FAM118A: variants seen among roughly 807,000 people sequenced by gnomAD.
FAM118A encodes the protein protein FAM118A.
In FAM118A, 25 loss-of-function variants were observed where a neutral mutation model predicts 38.2. That is an observed-to-expected ratio of 0.65 (90% confidence interval 0.48 to 0.91). FAM118A has a LOEUF of 0.91. Among genes scored for constraint, FAM118A ranks in the 40% least tolerant of loss-of-function variants. FAM118A has a pLI of 0.00. For missense variants in FAM118A, 425 were observed against 463.3 expected, an observed-to-expected ratio of 0.92 and a Z score of 0.76; for synonymous variants, 178 against 184.1, an observed-to-expected ratio of 0.97 and a Z score of 0.27.
intron 3 of FAM118A, among the ~76,000 whole-genome samples, chr22:45,326,442 C>G (rs1387921460): frequency 3.3e-5 from 5 of 152,156 alleles, no homozygotes; most frequent in Admixed American, 3.3e-4. Context: ...AATCCCAGCA[C>G]TTTGGGAGGC....
At chr22:45,323,484 A>C (rs2085033164) in intron 3 of FAM118A, 57 bp downstream of exon 3, 1 of 1,585,250 alleles carries the variant, frequency 6.3e-7, no homozygotes, top group Non-Finnish European at 8.6e-7. Flanking sequence ...AGGTTGGATG[A>C]GTCTGTGAAC....
At chr22:45,334,502 A>G (rs573462641) in intron 6 of FAM118A, among the ~76,000 whole-genome samples, 1 of 152,336 alleles carries the variant, frequency 6.6e-6, no homozygotes, top group Non-Finnish European at 1.5e-5. Context: ...TTCCATTTCC[A>G]TAAATAAAAG....
At chr22:45,338,737 C>G (rs2086272789) in intron 8 of FAM118A, among the ~76,000 whole-genome samples, 1 of 152,124 alleles carries the variant, frequency 6.6e-6, no homozygotes. Context: ...AGCAGTCCAC[C>G]CAAAATTTCT....
At chr22:45,334,421 TTTG>T (rs752445130) in intron 6 of FAM118A, among the ~76,000 whole-genome samples, 15 of 152,284 alleles carry the variant, frequency 9.9e-5, no homozygotes, top group South Asian at 2.1e-4. Flanking sequence ...CGCTAAAGTT[TTTG>T]TTGTTTTTTT....
rs910026337 is a variant in FAM118A at position 45,335,465 on chromosome 22, CGTTT to C, written c.970+88_970+91del. ...CTGTCACTAACTGTAAAATCATAAA[CGTTT>C]GTTTTTCACCTTAAATAATTAGCTT... On this transcript the variant is annotated intron_variant, in intron 7 of 8. Coordinates refer to ENST00000441876, the MANE Select transcript of FAM118A (RefSeq NM_017911.4). 3.5e-5 allele frequency: 53 copies of C among 1,510,086 alleles called. No individual in the cohort carries two copies. In the African/African-American group the frequency reaches 5.1e-4, roughly 15 times the overall value. The allele number at this position is 1,510,086 out of a possible 1,614,324, so 93.5% of individuals were successfully genotyped here. A position where few individuals can be genotyped will look rare whatever the true frequency, so the allele number is the denominator to read the frequency against.
At chr22:45,312,829 C>T (rs1026720122) in intron 1 of FAM118A, among the ~76,000 whole-genome samples, 2 of 152,196 alleles carry the variant, frequency 1.3e-5, no homozygotes, top group Non-Finnish European at 2.9e-5. Flanking sequence ...GTGTACCATT[C>T]TCCAGAAACT....
chr22:45,322,956 G>C (rs952869389), intron 2 of FAM118A, among the ~76,000 whole-genome samples: 3 of 152,036 alleles, frequency 2.0e-5, no homozygotes, highest in African/African-American at 7.2e-5. Context: ...GCTGTCCCAC[G>C]TCCTTTAAGG....
At chr22:45,337,995 T>C (rs2086225452) in intron 8 of FAM118A, 1 of 649,600 alleles carries the variant, frequency 1.5e-6, no homozygotes, top group Non-Finnish European at 1.9e-6. Flanking sequence ...TTCCTGGGAG[T>C]TTTTAGGATC....
At chr22:45,321,505 C>G (rs997311794) in intron 1 of FAM118A, 1 of 152,110 alleles carries the variant, frequency 6.6e-6, no homozygotes, top group African/African-American at 2.4e-5. Flanking sequence ...CAGTCTCAAC[C>G]TCCCAGGCTC....
At chr22:45,338,147 C>T (rs2086233428) in intron 8 of FAM118A, among the ~76,000 whole-genome samples, 1 of 152,164 alleles carries the variant, frequency 6.6e-6, no homozygotes, top group Non-Finnish European at 1.5e-5. Flanking sequence ...TTCTTTCCAT[C>T]TTCTCTGTTC....
At position 45,323,656 on chromosome 22, in the gene FAM118A, G is replaced by A. The variant is rs1440542133; in HGVS notation, c.300+229G>A. ...CCTAAAGTAGCTCCTATTAAATGGA[G>A]CCTGACTGTGTGAGATCGTCTCAGG... On this transcript the variant is annotated intron_variant, in intron 3 of 8. Coordinates refer to ENST00000441876, the MANE Select transcript of FAM118A (RefSeq NM_017911.4). 2.6e-5 allele frequency among the ~76,000 whole-genome samples: 4 copies of A among 152,348 alleles called. No individual in the cohort carries two copies. The East Asian group carries it at 7.7e-4, about 29-fold the overall frequency.
intron 3 of FAM118A, among the ~76,000 whole-genome samples, chr22:45,327,220 A>ACAGAC (rs2085339198): frequency 6.6e-6 from 1 of 151,912 alleles, no homozygotes; most frequent in East Asian, 1.9e-4. Context: ...AGCCTGGATG[A>ACAGAC]CAGAGCAAGG....
intron 1 of FAM118A, 96 bp from the exon 2 acceptor site, chr22:45,322,275 T>A (rs1324706369): frequency 7.0e-6 from 11 of 1,577,728 alleles, no homozygotes; most frequent in Non-Finnish European, 9.5e-6. Flanking sequence ...ATTGAGGACC[T>A]TTGATTTTAA....
Position 45,310,000 on chromosome 22 carries a change from C to G in FAM118A, c.-193C>G, listed in dbSNP as rs1373946717. On this transcript the variant is annotated 5_prime_UTR_variant, in exon 1 of 9. Coordinates refer to ENST00000441876, the MANE Select transcript of FAM118A (RefSeq NM_017911.4). ...GGCGGCGTGGCGTCCGCTCTGGCTCCGACTCCGGCTCTCGCTCTCGCTTCT... is the reference window on the plus strand; with the variant it reads ...GGCGGCGTGGCGTCCGCTCTGGCTCGGACTCCGGCTCTCGCTCTCGCTTCT... 6.6e-6 allele frequency: 1 copy of G among 152,236 alleles called. No individual in the cohort carries two copies. Among genetic ancestry groups the G allele is most frequent in the East Asian group, 1.9e-4 (1 of 5,188 alleles). 9.4% of individuals were successfully genotyped at this position (152,236 alleles called of 1,614,324 possible). A position where few individuals can be genotyped will look rare whatever the true frequency, so the allele number is the denominator to read the frequency against.
chr22:45,315,359 G>T (rs2084559315), intron 1 of FAM118A, among the ~76,000 whole-genome samples: 1 of 152,166 alleles, frequency 6.6e-6, no homozygotes, highest in Admixed American at 6.5e-5. Context: ...TCTGTAAATT[G>T]AAGAAAATAA....
chr22:45,325,236 G>C (rs555293720), intron 3 of FAM118A, among the ~76,000 whole-genome samples: 1 of 152,300 alleles, frequency 6.6e-6, no homozygotes, highest in East Asian at 1.9e-4. Flanking sequence ...AAAACAAGTA[G>C]TTGAGCATCA....
At chr22:45,323,043 G>A in intron 2 of FAM118A, 132 bp from the exon 3 acceptor site, 1 of 443,940 alleles carries the variant, frequency 2.3e-6, no homozygotes, top group Non-Finnish European at 3.7e-6. Context: ...AGAGGGGACT[G>A]TGTGTGTGTG....
At chr22:45,322,087 G>A (rs1051472266) in intron 1 of FAM118A, 1 of 960,604 alleles carries the variant, frequency 1.0e-6, no homozygotes, top group African/African-American at 1.7e-5. Flanking sequence ...GGAGCCCACA[G>A]AGCCCATCCT....
At position 45,340,647 on chromosome 22, in the gene FAM118A, C is replaced by T. The variant is rs978888352; in HGVS notation, c.*242C>T. The T allele has an allele frequency of 2.0e-5, 11 of 552,892 alleles. No individual in the cohort carries two copies. The African/African-American group carries it at 2.1e-4, about 10-fold the overall frequency. The allele number at this position is 552,892 out of a possible 1,614,324, so 34.2% of individuals were successfully genotyped here. ...GGACTTTGCAAGGACTGATGGATAG[C>T]TACCTCAGGGACCAGAATCCGTGGG... On this transcript the variant is annotated 3_prime_UTR_variant, in exon 9 of 9. Coordinates refer to ENST00000441876, the MANE Select transcript of FAM118A (RefSeq NM_017911.4).
Sources: gnomAD v4.1 joint callset for allele counts (sites outside exome capture counted in the v4.1 genomes callset) on GRCh38, gnomAD v4.1.1 for gene constraint, MANE v1.5 for transcripts, NCBI Gene and HGNC (gene_info 2026-07-23, HGNC 2026-07-21) for gene names.